MAPKAP1: variants seen among roughly 807,000 people sequenced by gnomAD.
MAPKAP1 encodes MAPK associated protein 1, also known as target of rapamycin complex 2 subunit MAPKAP1.
Under a neutral mutation model 65.7 loss-of-function variants are expected in MAPKAP1, and 20 were observed. That is an observed-to-expected ratio of 0.30 (90% CI 0.21 to 0.44). The LOEUF is 0.44. MAPKAP1 is among the 20% of genes least tolerant of loss of function. The pLI, the probability that MAPKAP1 is intolerant of heterozygous loss-of-function variation, is 1.00. For missense variants in MAPKAP1, 423 were observed against 648.0 expected (o/e 0.65, Z 3.77); for synonymous variants, 222 against 244.3 (o/e 0.91, Z 0.85).
At chr9:125,615,295 A>G (rs1832713764) in intron 4 of MAPKAP1, among the ~76,000 whole-genome samples, 1 of 152,176 alleles carries the variant, frequency 6.6e-6, no homozygotes, top group Non-Finnish European at 1.5e-5. Context: ...TCATGTTCAA[A>G]ATGGTAAAGA....
chr9:125,516,202 G>A (rs1041307916), intron 7 of MAPKAP1, among the ~76,000 whole-genome samples: 1 of 152,136 alleles, frequency 6.6e-6, no homozygotes, highest in African/African-American at 2.4e-5. Flanking sequence ...TTTCTTTGCT[G>A]CAAGACTCAA....
intron 6 of MAPKAP1, among the ~76,000 whole-genome samples, chr9:125,549,103 G>C (rs1830510935): frequency 1.3e-5 from 2 of 152,174 alleles, no homozygotes; most frequent in South Asian, 4.1e-4. Flanking sequence ...CTGTGGAAAA[G>C]GTTCAACTTC....
chr9:125,456,596 T>C (rs546416305), intron 10 of MAPKAP1, among the ~76,000 whole-genome samples: 62 of 152,368 alleles, frequency 4.1e-4, no homozygotes, highest in African/African-American at 1.4e-3. Context: ...GAATAAGTTA[T>C]AGAAGACTGT....
At chr9:125,584,587 C>T (rs1286462871) in intron 5 of MAPKAP1, among the ~76,000 whole-genome samples, 3 of 152,044 alleles carry the variant, frequency 2.0e-5, no homozygotes, top group Non-Finnish European at 4.4e-5. Context: ...CCACCATGCC[C>T]GGCTAATTTT....
At chr9:125,535,203 G>A (rs567047379) in intron 7 of MAPKAP1, among the ~76,000 whole-genome samples, 1 of 152,214 alleles carries the variant, frequency 6.6e-6, no homozygotes, top group South Asian at 2.1e-4. Context: ...AAAACATGTT[G>A]TCTCTTCTAC....
chr9:125,514,542 G>C (rs890277265), intron 7 of MAPKAP1, among the ~76,000 whole-genome samples: 1 of 152,174 alleles, frequency 6.6e-6, no homozygotes, highest in South Asian at 2.1e-4. Context: ...GGACCTGAGA[G>C]ACTGAGGAAC....
At chr9:125,641,220 C>A (rs1436745072) in intron 4 of MAPKAP1, among the ~76,000 whole-genome samples, 1 of 152,138 alleles carries the variant, frequency 6.6e-6, no homozygotes, top group Non-Finnish European at 1.5e-5. Flanking sequence ...CCCCTCCTTC[C>A]CTTAGTGCCT....
At chr9:125,495,269 T>C (rs1854901897) in intron 8 of MAPKAP1, among the ~76,000 whole-genome samples, 1 of 152,122 alleles carries the variant, frequency 6.6e-6, no homozygotes, top group African/African-American at 2.4e-5. Flanking sequence ...GCTGGAAGAA[T>C]CCCACCTCCC....
intron 4 of MAPKAP1, among the ~76,000 whole-genome samples, chr9:125,629,605 C>A (rs1466835143): frequency 1.3e-5 from 2 of 152,200 alleles, no homozygotes; most frequent in East Asian, 3.9e-4. Flanking sequence ...GCTGCCAGGG[C>A]TGGGGGCAAG....
At position 125,585,798 on chromosome 9, in the gene MAPKAP1, T is replaced by G. The variant is rs1831766004; in HGVS notation, c.499-71A>C. 5 of 1,448,694 alleles carry G rather than the reference T, an allele frequency of 3.5e-6. No individual in the cohort carries two copies. In the South Asian group the frequency reaches 6.2e-5, roughly 18 times the overall value. 89.7% of individuals were successfully genotyped at this position (1,448,694 alleles called of 1,614,324 possible). A position where few individuals can be genotyped will look rare whatever the true frequency, so the allele number is the denominator to read the frequency against. ...TACAGACCCCACTGCTCTCCAGGCC[T>G]GTGGGCAGCACAGCCATTTTTCATC... On this transcript the variant is annotated intron_variant, in intron 4 of 11. Transcript: ENST00000265960.
At chr9:125,598,219 G>C (rs1490384765) in intron 4 of MAPKAP1, among the ~76,000 whole-genome samples, 1 of 152,042 alleles carries the variant, frequency 6.6e-6, no homozygotes, top group Non-Finnish European at 1.5e-5. Flanking sequence ...AAAATTCTAT[G>C]ACAAATCCAT....
At chr9:125,499,209 A>C (rs190834412) in intron 8 of MAPKAP1, among the ~76,000 whole-genome samples, 164 of 152,340 alleles carry the variant, frequency 1.1e-3, no homozygotes, top group Middle Eastern at 6.8e-3. Context: ...AATTTAGTCC[A>C]CATCTACAAT....
At chr9:125,687,613 C>CAA (rs5900669) in intron 1 of MAPKAP1, among the ~76,000 whole-genome samples, 4,312 of 129,528 alleles carry the variant, frequency 0.033, 122 homozygotes, top group African/African-American at 0.075. Flanking sequence ...CCCACCTATA[C>CAA]AAAAAAAAAA....
chr9:125,676,266 A>G (rs1008814754), intron 1 of MAPKAP1, among the ~76,000 whole-genome samples: 1 of 152,236 alleles, frequency 6.6e-6, no homozygotes, highest in Non-Finnish European at 1.5e-5. Flanking sequence ...TTCTAAGGAG[A>G]TAATTGTGTA....
chr9:125,615,017 G>T (rs996854935), intron 4 of MAPKAP1, among the ~76,000 whole-genome samples: 1 of 152,072 alleles, frequency 6.6e-6, no homozygotes, highest in Non-Finnish European at 1.5e-5. Context: ...ACCAAAAAAG[G>T]TATAAGTTAA....
At chr9:125,704,338 T>A (rs1401969688) in intron 1 of MAPKAP1, among the ~76,000 whole-genome samples, 3 of 152,158 alleles carry the variant, frequency 2.0e-5, no homozygotes, top group African/African-American at 7.2e-5. Flanking sequence ...AAAAATGAGA[T>A]AAAGCATTTA....
At position 125,477,792 on chromosome 9, in the gene MAPKAP1, T is replaced by G. The variant is rs964756784; in HGVS notation, c.1207+6651A>C. 2.0e-5 allele frequency among the ~76,000 whole-genome samples: 3 copies of G among 152,178 alleles called. No homozygotes were observed. The South Asian group carries it at 6.2e-4, about 32-fold the overall frequency. ...AACTTACTTCCCCCTACCAGCCCGT[T>G]TGGGTGGCACATATCTCAGTGTGCA... On this transcript the variant is annotated intron_variant, in intron 9 of 11. Transcript: ENST00000265960.
intron 4 of MAPKAP1, among the ~76,000 whole-genome samples, chr9:125,607,247 T>G (rs1414259950): frequency 6.6e-6 from 1 of 152,156 alleles, no homozygotes; most frequent in African/African-American, 2.4e-5. Context: ...AAACAATAAA[T>G]ATCATGGGCT....
chr9:125,475,353 G>A (rs1432228192), intron 9 of MAPKAP1, among the ~76,000 whole-genome samples: 2 of 152,164 alleles, frequency 1.3e-5, no homozygotes, highest in African/African-American at 2.4e-5. Flanking sequence ...CATATTTCAG[G>A]TCACAACTAA....
Sources: allele counts gnomAD v4.1 joint callset (sites outside exome capture counted in the v4.1 genomes callset), GRCh38; gene constraint gnomAD v4.1.1; transcripts MANE v1.5; gene names NCBI Gene and HGNC (gene_info 2026-07-23, HGNC 2026-07-21).